Variants in AKAP13 observed in about 807,000 individuals in gnomAD.
AKAP13 encodes the protein A-kinase anchoring protein 13, also known as A-kinase anchor protein 13.
A neutral mutation model predicts 264.5 loss-of-function variants in AKAP13; 80 were observed. That is an observed-to-expected ratio of 0.30 (90% CI 0.25 to 0.36). The LOEUF (loss-of-function observed/expected upper bound fraction) is 0.36, where lower values mean the gene tolerates loss of function less well. AKAP13 is among the 10% of genes least tolerant of loss of function. AKAP13 has a pLI of 1.00. For synonymous variants in AKAP13, 1,380 were observed against 1,250.2 expected, an observed-to-expected ratio of 1.10 and a Z score of -2.19; for missense variants, 3,712 against 3,435.2, an observed-to-expected ratio of 1.08 and a Z score of -2.01.
At chr15:85,511,035 C>T (rs1564719) in intron 2 of AKAP13, among the ~76,000 whole-genome samples, 74,705 of 151,904 alleles carry the variant, frequency 0.49, 19,166 homozygotes, top group Middle Eastern at 0.61. Context: ...TATGAAAAAA[C>T]CCATTTAAGG....
Position 85,749,144 on chromosome 15 carries a change from G to A in AKAP13, c.*4467G>A, listed in dbSNP as rs756564136. On this transcript the variant is annotated 3_prime_UTR_variant, in exon 37 of 37. Transcript: ENST00000394518. Reference sequence around the variant, plus strand: ...CTAAATCCTATTAAATAAAAAAGACGGGTTAAAACCCAGATGCTGTATATT... The same window carrying A: ...CTAAATCCTATTAAATAAAAAAGACAGGTTAAAACCCAGATGCTGTATATT... 11 of 152,208 alleles carry A rather than the reference G, an allele frequency of 7.2e-5. No individual in the cohort carries two copies. Among genetic ancestry groups the A allele is most frequent in the South Asian group, 2.1e-4 (1 of 4,836 alleles). The allele number at this position is 152,208 out of a possible 1,614,324, so 9.4% of individuals were successfully genotyped here. A position where few individuals can be genotyped will look rare whatever the true frequency, so the allele number is the denominator to read the frequency against.
At chr15:85,675,732 A>G (rs2084190901) in intron 14 of AKAP13, among the ~76,000 whole-genome samples, 1 of 152,194 alleles carries the variant, frequency 6.6e-6, no homozygotes, top group Non-Finnish European at 1.5e-5. Context: ...TAAAGTTTGG[A>G]CCAGAAGGAA....
In AKAP13 at chr15:85,748,112, G is replaced by GGC. The variant is rs2089422933; in HGVS notation, c.*3436_*3437dup. The GGC allele has an allele frequency of 6.6e-6, 1 of 152,134 alleles. No homozygotes were observed. The highest frequency in any genetic ancestry group is 6.6e-5 in the Admixed American group (1 of 15,262). 9.4% of individuals were successfully genotyped at this position (152,134 alleles called of 1,614,324 possible). A position where few individuals can be genotyped will look rare whatever the true frequency, so the allele number is the denominator to read the frequency against. ...TCTATTTCATCATTTTTGTTTCTAG[G>GGC]GCTCTTTTTCTGTAGCCAGGTCTTC... is the stretch of plus-strand genomic sequence containing the variant. On this transcript the variant is annotated 3_prime_UTR_variant, in exon 37 of 37. Transcript: ENST00000394518.
intron 8 of AKAP13, among the ~76,000 whole-genome samples, chr15:85,616,893 C>T (rs1400858753): frequency 6.6e-6 from 1 of 152,164 alleles, no homozygotes; most frequent in African/African-American, 2.4e-5. Context: ...TTGTTTCCCA[C>T]CCAGGGTATT....
intron 35 of AKAP13, among the ~76,000 whole-genome samples, chr15:85,742,808 G>A (rs1234620265): frequency 2.6e-5 from 4 of 152,112 alleles, no homozygotes; most frequent in Non-Finnish European, 4.4e-5. Context: ...CTTGGACCAC[G>A]AAAGAAAATT....
Position 85,581,761 on chromosome 15 carries a change from T to C in AKAP13, c.3693T>C (p.Pro1231=). 1 of 1,614,132 alleles carries C rather than the reference T, an allele frequency of 6.2e-7. No homozygotes were observed. Among genetic ancestry groups the C allele is most frequent in the Non-Finnish European group, 8.5e-7 (1 of 1,179,986 alleles). ...SGRERSTPSL[P]CMVSAQDAPL... ...GGGAAAGGAGCACTCCCTCTCTACCTTGCATGGTCTCTGCCCAGGACGCAC... is the reference window on the plus strand; with the variant it reads ...GGGAAAGGAGCACTCCCTCTCTACCCTGCATGGTCTCTGCCCAGGACGCAC... The change falls in exon 7 of 37, where the codon CCT becomes CCC. Residue 1231 remains proline, a synonymous_variant. Transcript: ENST00000394518.
intron 8 of AKAP13, among the ~76,000 whole-genome samples, chr15:85,609,347 T>G (rs2080496441): frequency 6.6e-6 from 1 of 152,214 alleles, no homozygotes; most frequent in Non-Finnish European, 1.5e-5. Context: ...AGATTCCACA[T>G]TATCAGTGAG....
intron 12 of AKAP13, among the ~76,000 whole-genome samples, chr15:85,660,352 CAAAAAAAAAAAAAAAA>C (rs35636118): frequency 2.9e-5 from 2 of 68,544 alleles, no homozygotes; most frequent in African/African-American, 1.2e-4. Flanking sequence ...ATCTAAGTCT[CAAAAAAAAAAAAAAAA>C]AAAAAAAAAA....
chr15:85,726,780 A>G (rs528680474), intron 27 of AKAP13, among the ~76,000 whole-genome samples: 12 of 152,396 alleles, frequency 7.9e-5, no homozygotes, highest in Middle Eastern at 3.4e-3. Flanking sequence ...AATGGTGCTC[A>G]TGTATAATAT....
rs1160050565 is a variant in AKAP13, at chr15:85,458,386, G to GTTTTTTTTTTTTT, written c.-11-27318_-11-27317insTTTTTTTTTTTTT. Reference sequence around the variant, plus strand: ...TTTTTTCTCTTTTTTTGTATTTTTTGTTTTTTGTTTTTTTTTTTTTTTACT... The same window carrying GTTTTTTTTTTTTT: ...TTTTTTCTCTTTTTTTGTATTTTTTGTTTTTTTTTTTTTTTTTTTGTTTTTTTTTTTTTTTACT... On this transcript the variant is annotated intron_variant, in intron 1 of 36. Coordinates refer to ENST00000394518, the MANE Select transcript of AKAP13 (RefSeq NM_007200.5). Among the ~76,000 whole-genome samples the GTTTTTTTTTTTTT allele has an allele frequency of 2.9e-4, 30 of 103,846 alleles. 1 individual carries two copies. Among genetic ancestry groups the GTTTTTTTTTTTTT allele is most frequent in the African/African-American group, 1.2e-3 (23 of 19,520 alleles). 68.1% of individuals were successfully genotyped at this position (103,846 alleles called of 152,430 possible).
At chr15:85,651,693 C>T (rs2082858359) in intron 10 of AKAP13, 1 of 152,164 alleles carries the variant, frequency 6.6e-6, no homozygotes, top group Admixed American at 6.5e-5. Context: ...AGGGTACAGA[C>T]TATAAGCATC....
At position 85,619,836 on chromosome 15, in the gene AKAP13, G is replaced by C. The variant is rs2081096188; in HGVS notation, c.4162-19538G>C. On this transcript the variant is annotated intron_variant, in intron 8 of 36. Coordinates refer to ENST00000394518, the MANE Select transcript of AKAP13 (RefSeq NM_007200.5). ...GTGGTATTTATTGTTTATATTATGA[G>C]TTCTACATTCATCTTTCCAGCACTC... The C allele has an allele frequency of 2.3e-6, 3 of 1,330,856 alleles. No homozygotes were observed. The African/African-American group carries it at 4.4e-5, about 20-fold the overall frequency. The allele number at this position is 1,330,856 out of a possible 1,614,324, so 82.4% of individuals were successfully genotyped here.
intron 8 of AKAP13, among the ~76,000 whole-genome samples, chr15:85,637,676 CCT>C (rs1168545860): frequency 6.6e-6 from 1 of 151,892 alleles, no homozygotes; most frequent in African/African-American, 2.4e-5. Context: ...TTAATTTCCT[CCT>C]CTTTTTCTAG....
intron 26 of AKAP13, among the ~76,000 whole-genome samples, chr15:85,725,785 C>T (rs139485836): frequency 2.1e-4 from 32 of 152,292 alleles, no homozygotes; most frequent in African/African-American, 6.3e-4. Flanking sequence ...GAGGATTAGT[C>T]AGAGCTAGAG....
intron 1 of AKAP13, chr15:85,381,594 T>C (rs1467403911): frequency 3.4e-5 from 5 of 149,014 alleles, no homozygotes; most frequent in Non-Finnish European, 1.5e-5. Context: ...CTAAAACTTT[T>C]TAAAAAAAAA....
chr15:85,678,723 G>T (rs1263588159), intron 14 of AKAP13, among the ~76,000 whole-genome samples: 1 of 151,920 alleles, frequency 6.6e-6, no homozygotes, highest in Non-Finnish European at 1.5e-5. Flanking sequence ...AAACAAATTA[G>T]CTGGGCATAG....
chr15:85,518,558 G>A (rs919152145), intron 2 of AKAP13, among the ~76,000 whole-genome samples: 31 of 152,214 alleles, frequency 2.0e-4, no homozygotes, highest in African/African-American at 7.2e-4. Flanking sequence ...CAGACCAGGT[G>A]CAGTGGCTCA....
intron 2 of AKAP13, among the ~76,000 whole-genome samples, chr15:85,498,111 G>A (rs1393016132): frequency 2.0e-5 from 3 of 151,452 alleles, no homozygotes; most frequent in African/African-American, 7.3e-5. Flanking sequence ...TGAGCAAACA[G>A]TTTGGAGGAG....
At chr15:85,430,747 G>A (rs936955556) in intron 1 of AKAP13, among the ~76,000 whole-genome samples, 6 of 152,142 alleles carry the variant, frequency 3.9e-5, no homozygotes, top group African/African-American at 9.7e-5. Flanking sequence ...TATACGGGGC[G>A]TCATGCTTGC....
Sources: allele counts gnomAD v4.1 joint callset (sites outside exome capture counted in the v4.1 genomes callset), GRCh38; gene constraint gnomAD v4.1.1; transcripts MANE v1.5; gene names NCBI Gene and HGNC (gene_info 2026-07-23, HGNC 2026-07-21).